DCC: variants seen among roughly 807,000 people sequenced by gnomAD.
DCC encodes the protein DCC netrin 1 receptor.
Under a neutral mutation model 172.5 loss-of-function variants are expected in DCC, and 58 were observed. The ratio of observed to expected loss-of-function variants is 0.34; its 90% CI spans 0.27 to 0.42. The LOEUF (loss-of-function observed/expected upper bound fraction) is 0.42, where lower values mean the gene tolerates loss of function less well. DCC is among the 10% of genes least tolerant of loss of function. The pLI, the probability that DCC is intolerant of heterozygous loss-of-function variation, is 1.00. For synonymous variants in DCC, 709 were observed against 644.5 expected (o/e 1.10, Z -1.52); for missense variants, 1,740 against 1,791.0 (o/e 0.97, Z 0.51).
At position 52,673,985 on chromosome 18, in the gene DCC, CAA is replaced by C. The variant is rs1230151500; in HGVS notation, c.92-78067_92-78066del. On this transcript the variant is annotated intron_variant, in intron 1 of 28. Transcript: ENST00000442544. ...TATCTCACCTATGGTCTTTTATACT[CAA>C]AGAGGCTAGACTGGGCTTTTTCACA... 2.6e-5 allele frequency among the ~76,000 whole-genome samples: 4 copies of C among 152,226 alleles called. No homozygotes were observed. In the East Asian group the frequency reaches 7.7e-4, roughly 29 times the overall value.
At chr18:52,781,451 T>A (rs902135435) in intron 2 of DCC, among the ~76,000 whole-genome samples, 3 of 152,152 alleles carry the variant, frequency 2.0e-5, no homozygotes, top group Non-Finnish European at 4.4e-5. Context: ...TTGAATTTTA[T>A]AGTCAACGTG....
At chr18:52,944,307 C>T (rs181852299) in intron 5 of DCC, among the ~76,000 whole-genome samples, 11 of 152,232 alleles carry the variant, frequency 7.2e-5, no homozygotes, top group Admixed American at 2.0e-4. Flanking sequence ...ATTGTCTATA[C>T]TTTGTAGGAA....
intron 12 of DCC, among the ~76,000 whole-genome samples, chr18:53,267,328 A>C (rs1024555633): frequency 5.9e-5 from 9 of 152,082 alleles, no homozygotes; most frequent in African/African-American, 2.2e-4. Context: ...CTGGGATTAT[A>C]GGTATCTGCC....
At chr18:52,506,773 T>A (rs960339503) in intron 1 of DCC, among the ~76,000 whole-genome samples, 6 of 152,292 alleles carry the variant, frequency 3.9e-5, no homozygotes, top group South Asian at 4.1e-4. Context: ...TTTTATCATC[T>A]CTACTGTCAC....
chr18:53,048,084 T>C (rs1599067028), intron 5 of DCC, among the ~76,000 whole-genome samples: 1 of 152,116 alleles, frequency 6.6e-6, no homozygotes, highest in African/African-American at 2.4e-5. Flanking sequence ...TCTTTTGAGT[T>C]ATGTTTTGAG....
At chr18:52,604,132 G>T (rs553104723) in intron 1 of DCC, among the ~76,000 whole-genome samples, 1 of 151,840 alleles carries the variant, frequency 6.6e-6, no homozygotes, top group Non-Finnish European at 1.5e-5. Flanking sequence ...AATTTTATTC[G>T]AATGTGTTTT....
chr18:52,773,367 A>G (rs1475913005), intron 2 of DCC, among the ~76,000 whole-genome samples: 2 of 152,204 alleles, frequency 1.3e-5, no homozygotes, highest in Non-Finnish European at 2.9e-5. Context: ...CTTATATTTT[A>G]TATCCTTAAC....
chr18:53,049,060 C>G (rs1033495267), intron 5 of DCC, among the ~76,000 whole-genome samples: 5 of 151,752 alleles, frequency 3.3e-5, no homozygotes, highest in Admixed American at 2.6e-4. Flanking sequence ...AATTTAAGTT[C>G]ATTATAGATT....
intron 3 of DCC, among the ~76,000 whole-genome samples, chr18:52,917,970 A>G (rs747697799): frequency 1.5e-5 from 2 of 135,302 alleles, no homozygotes; most frequent in Non-Finnish European, 3.4e-5. Flanking sequence ...AAAATTTGAC[A>G]TTAGAAAAAA....
chr18:52,380,164 C>T (rs1985523796), intron 1 of DCC, among the ~76,000 whole-genome samples: 1 of 151,912 alleles, frequency 6.6e-6, no homozygotes, highest in African/African-American at 2.4e-5. Flanking sequence ...ATGGAGGATC[C>T]CTCATGACCT....
intron 1 of DCC, among the ~76,000 whole-genome samples, chr18:52,396,291 C>G (rs1445690686): frequency 1.0e-5 from 1 of 99,256 alleles, no homozygotes; most frequent in East Asian, 3.3e-4. Context: ...ACCCCCCCCC[C>G]ACCCCGCCCT....
chr18:53,036,912 G>A (rs536681521), intron 5 of DCC, among the ~76,000 whole-genome samples: 1 of 152,074 alleles, frequency 6.6e-6, no homozygotes, highest in East Asian at 1.9e-4. Context: ...CCCTTAGAAA[G>A]ATAAAGATTA....
intron 7 of DCC, among the ~76,000 whole-genome samples, chr18:53,097,258 T>G (rs1443321613): frequency 2.0e-5 from 3 of 152,110 alleles, no homozygotes; most frequent in Non-Finnish European, 2.9e-5. Flanking sequence ...GTAAATTGAG[T>G]CAGTTGTTGT....
At chr18:52,790,680 G>A (rs992064418) in intron 2 of DCC, among the ~76,000 whole-genome samples, 2 of 152,174 alleles carry the variant, frequency 1.3e-5, no homozygotes, top group South Asian at 4.1e-4. Flanking sequence ...CCTATCAACA[G>A]TGGTGTTTCC....
chr18:53,193,208 A>T (rs1452824546), intron 9 of DCC, among the ~76,000 whole-genome samples: 1 of 152,092 alleles, frequency 6.6e-6, no homozygotes, highest in East Asian at 1.9e-4. Context: ...AGAATAAAAG[A>T]TCCACATCCT....
At chr18:53,031,041 G>T (rs898459443) in intron 5 of DCC, among the ~76,000 whole-genome samples, 1 of 152,078 alleles carries the variant, frequency 6.6e-6, no homozygotes, top group African/African-American at 2.4e-5. Context: ...GATGGATCAC[G>T]TGAGGTCAAG....
intron 2 of DCC, among the ~76,000 whole-genome samples, chr18:52,878,082 C>A (rs1466546677): frequency 6.6e-6 from 1 of 152,056 alleles, no homozygotes; most frequent in African/African-American, 2.4e-5. Flanking sequence ...AAACTCCCCT[C>A]CCCACTTTGG....
At chr18:53,262,767 G>A (rs2056621497) in intron 12 of DCC, among the ~76,000 whole-genome samples, 1 of 152,182 alleles carries the variant, frequency 6.6e-6, no homozygotes, top group Non-Finnish European at 1.5e-5. Context: ...ATGGAGGGTT[G>A]AAAATGGCAA....
intron 1 of DCC, among the ~76,000 whole-genome samples, chr18:52,608,810 TA>T (rs1481402436): frequency 6.6e-6 from 1 of 152,172 alleles, no homozygotes; most frequent in Admixed American, 6.6e-5. Flanking sequence ...TGATAATTTC[TA>T]AAACTAGGAG....
Sources: allele counts gnomAD v4.1 joint callset (sites outside exome capture counted in the v4.1 genomes callset), GRCh38; gene constraint gnomAD v4.1.1; transcripts MANE v1.5; gene names NCBI Gene and HGNC (gene_info 2026-07-23, HGNC 2026-07-21).